LAS1L: variants seen among roughly 807,000 people sequenced by gnomAD.
The protein encoded by LAS1L is ribosomal biogenesis protein LAS1L.
Under a neutral mutation model 57.3 loss-of-function variants are expected in LAS1L, and 5 were observed. That is an observed-to-expected ratio of 0.09 (90% CI 0.05 to 0.18). LAS1L has a LOEUF of 0.18. Ranked by LOEUF, LAS1L falls within the 10% of genes least tolerant of loss-of-function variation. The pLI, the probability that LAS1L is intolerant of heterozygous loss-of-function variation, is 1.00. For synonymous variants in LAS1L, 245 were observed against 231.7 expected, an observed-to-expected ratio of 1.06 and a Z score of -0.52; for missense variants, 360 against 568.3, an observed-to-expected ratio of 0.63 and a Z score of 3.73.
intron 8 of LAS1L, 123 bp from the exon 9 acceptor site, chrX:65,524,737 G>A (rs1287869164): frequency 1.3e-5 from 6 of 460,616 alleles, no homozygotes; most frequent in Admixed American, 3.3e-5. Context: ...AAGACTCCCC[G>A]ACCCCACCCC....
chrX:65,520,843 G>A, intron 11 of LAS1L: 1 of 754,063 alleles, frequency 1.3e-6, no homozygotes, highest in Non-Finnish European at 1.6e-6. Context: ...TACCTTGAAG[G>A]CCACCTATCC....
intron 4 of LAS1L, among the ~76,000 whole-genome samples, chrX:65,530,332 C>A (rs2069405933): frequency 8.9e-6 from 1 of 111,888 alleles, no homozygotes; most frequent in Non-Finnish European, 1.9e-5. Flanking sequence ...ACCTCCCCAC[C>A]TCAACTATGG....
At chrX:65,528,077 G>A (rs2069263636) in intron 7 of LAS1L, among the ~76,000 whole-genome samples, 183 bp downstream of exon 7, 1 of 111,479 alleles carries the variant, frequency 9.0e-6, no homozygotes, top group Non-Finnish European at 1.9e-5. Flanking sequence ...CCCCCACCTG[G>A]AAGTTGGCAG....
rs1202035728 is a variant in LAS1L at position 65,528,356 on chromosome X, A to C, written c.860T>G (p.Phe287Cys). 1 of 1,169,080 alleles carries C rather than the reference A, an allele frequency of 8.6e-7. No homozygotes were observed. ...EEEQFTVLEK[F>C]RYLPKAIKAW... ...CTTAATGGCCTTAGGTAAATACCTA[A>C]ATTTCTCCAGCACCTGCCAGCAAAG... The change falls in exon 7 of 14, where the codon TTT becomes TGT. Residue 287 changes from phenylalanine to cysteine, a missense_variant. Physicochemically the swap from Phe to Cys is radical, Grantham distance 205. Transcript: ENST00000374811.
At position 65,524,225 on chromosome X, in the gene LAS1L, C is replaced by T. The variant is rs1409196719; in HGVS notation, c.1131G>A (p.Pro377=). ...VDLNDVLVPK[P]FSQFWQPLLR... is the part of the protein sequence containing the mutation. ...GCAGGGGCTGCCAGAACTGAGAGAA[C>T]GGCTTTGGCACCAGGACGTCATTCA... Residue 377 remains proline, a synonymous_variant, in exon 10 of 14, where the codon CCG becomes CCA. Transcript: ENST00000374811. The T allele has an allele frequency of 8.3e-6, 10 of 1,210,508 alleles. No individual in the cohort carries two copies. Among genetic ancestry groups the T allele is most frequent in the South Asian group, 1.8e-5 (1 of 56,748 alleles).
chrX:65,529,221 C>T lies in LAS1L; in HGVS notation c.837G>A (p.Glu279=), dbSNP rs775979610. 6 of 1,209,389 alleles carry T rather than the reference C, an allele frequency of 5.0e-6. No homozygotes were observed. The highest frequency in any genetic ancestry group is 6.7e-6 in the Non-Finnish European group (6 of 893,392). ...CAGGGCACTTTCTTACCGTAAACTG[C>T]TCCTCTTCGTATGATACCAGCAGTT... The part of the protein sequence containing the change: ...ARELLVSYEE[E]QFTVLEKFRY... The change falls in exon 6 of 14, where the codon GAG becomes GAA. Residue 279 remains glutamate (E), a synonymous_variant. Coordinates refer to ENST00000374811, the MANE Select transcript of LAS1L (RefSeq NM_031206.7).
intron 12 of LAS1L, among the ~76,000 whole-genome samples, chrX:65,516,830 TTA>T (rs1313308520): frequency 9.0e-6 from 1 of 110,772 alleles, no homozygotes; most frequent in Non-Finnish European, 1.9e-5. Flanking sequence ...GAGACAGACT[TTA>T]TGTTTTATGT....
At chrX:65,526,899 C>T (rs929083798) in intron 7 of LAS1L, among the ~76,000 whole-genome samples, 2 of 110,998 alleles carry the variant, frequency 1.8e-5, no homozygotes, top group African/African-American at 6.6e-5. Flanking sequence ...GATGCTAATA[C>T]TCTCCAATGG....
chrX:65,516,636 T>TACACAC lies in LAS1L; in HGVS notation c.1927+1345_1927+1350dup, dbSNP rs57356313. On this transcript the variant is annotated intron_variant, in intron 12 of 13. Coordinates refer to ENST00000374811, the MANE Select transcript of LAS1L (RefSeq NM_031206.7). The stretch of plus-strand genomic sequence containing the variant: ...TGCCCCTACTTTTCCCTTTTTCCTA[T>TACACAC]ACACACACACACACACACACACACA... Among the ~76,000 whole-genome samples the TACACAC allele has an allele frequency of 4.0e-3, 357 of 89,578 alleles. 2 individuals are homozygous for TACACAC. Among genetic ancestry groups the TACACAC allele is most frequent in the South Asian group, 0.011 (17 of 1,557 alleles). 77.8% of individuals were successfully genotyped at this position (89,578 alleles called of 115,157 possible). A position where few individuals can be genotyped will look rare whatever the true frequency, so the allele number is the denominator to read the frequency against.
chrX:65,524,735 C>G (rs1240009170), intron 8 of LAS1L, 121 bp from the exon 9 acceptor site: 2 of 463,437 alleles, frequency 4.3e-6, no homozygotes, highest in East Asian at 7.5e-5. Flanking sequence ...TTAAGACTCC[C>G]CGACCCCACC....
At position 65,534,739 on chromosome X, in the gene LAS1L, T is replaced by C; in HGVS notation, c.-24A>G. The C allele has an allele frequency of 9.0e-7, 1 of 1,115,451 alleles. No individual in the cohort carries two copies. The highest frequency in any genetic ancestry group is 2.0e-5 in the South Asian group (1 of 50,427). 91.9% of individuals were successfully genotyped at this position (1,115,451 alleles called of 1,213,427 possible). A position where few individuals can be genotyped will look rare whatever the true frequency, so the allele number is the denominator to read the frequency against. On this transcript the variant is annotated 5_prime_UTR_variant, in exon 1 of 14. Transcript: ENST00000374811. ...ATACTGAGCTCAACAACAGGCTCTG[T>C]GCCGCGCCGCTCCGCACAGCCTTCA...
At chrX:65,512,959 C>A (rs910687059) in intron 13 of LAS1L, 58 bp from the exon 14 acceptor site, 51 of 1,079,872 alleles carry the variant, frequency 4.7e-5, no homozygotes, top group Middle Eastern at 2.5e-4. Flanking sequence ...TCTGGAGGGG[C>A]CAAGAGTGCT....
In LAS1L at chrX:65,518,368, C is replaced by G; in HGVS notation, c.1546G>C (p.Val516Leu). The change falls in exon 12 of 14, where the codon GTG becomes CTG. Residue 516 changes from valine (V) to leucine (L), a missense_variant. This residue lies in a region of LAS1L where 123 missense variants were observed against 168.3 expected (regional missense o/e 0.73). Transcript: ENST00000374811. Reference protein sequence around the residue: ...IYTQSGENSLVQEGSEASPIG... With the variant: ...IYTQSGENSLLQEGSEASPIG... ...GGGGAGGCCTCAGAGCCCTCCTGCA[C>G]CAGGCTGTTTTCTCCACTCTGGGTA... 1 of 1,212,279 alleles carries G rather than the reference C, an allele frequency of 8.2e-7. No individual in the cohort carries two copies. Among genetic ancestry groups the G allele is most frequent in the Non-Finnish European group, 1.1e-6 (1 of 895,615 alleles).
At chrX:65,512,973 C>A (rs1214011591) in intron 13 of LAS1L, 72 bp from the exon 14 acceptor site, 6 of 1,022,386 alleles carry the variant, frequency 5.9e-6, no homozygotes, top group Non-Finnish European at 7.9e-6. Flanking sequence ...GAGTGCTTGA[C>A]ATGTGTGTAT....
At chrX:65,525,635 T>G (rs936323130) in intron 7 of LAS1L, among the ~76,000 whole-genome samples, 5 of 107,739 alleles carry the variant, frequency 4.6e-5, no homozygotes, top group Admixed American at 9.9e-5. Flanking sequence ...AGGGGTAATC[T>G]CTCATCCCTA....
At chrX:65,523,748 G>A in intron 10 of LAS1L, 41 bp from the exon 11 acceptor site, 1 of 1,133,139 alleles carries the variant, frequency 8.8e-7, no homozygotes, top group South Asian at 2.1e-5. Flanking sequence ...GAAGCAGTGA[G>A]CCCCCCACCC....
chrX:65,515,347 G>C (rs759474745), intron 12 of LAS1L, among the ~76,000 whole-genome samples: 1 of 110,303 alleles, frequency 9.1e-6, no homozygotes, highest in East Asian at 2.8e-4. Context: ...CCTGTCTGTA[G>C]ACACACACAC....
At chrX:65,519,410 G>A (rs2068763512) in intron 11 of LAS1L, among the ~76,000 whole-genome samples, 1 of 112,109 alleles carries the variant, frequency 8.9e-6, no homozygotes, top group African/African-American at 3.2e-5. Flanking sequence ...GAGGCAGGGA[G>A]ACCAGGGAGG....
At chrX:65,524,284 T>C (rs1368892791) in intron 9 of LAS1L, 22 bp from the exon 10 acceptor site, 3 of 1,135,490 alleles carry the variant, frequency 2.6e-6, no homozygotes, top group Admixed American at 2.3e-5. Context: ...GGGACACCCA[T>C]TTGGGGGGGC....
Sources: allele counts gnomAD v4.1 joint callset (sites outside exome capture counted in the v4.1 genomes callset), GRCh38; gene constraint gnomAD v4.1.1; regional missense constraint gnomAD v4.1.1; transcripts MANE v1.5; gene names NCBI Gene and HGNC (gene_info 2026-07-23, HGNC 2026-07-21).